NUDT1: variants seen among roughly 807,000 people sequenced by gnomAD.
The protein encoded by NUDT1 is oxidized purine nucleoside triphosphate hydrolase.
Under a neutral mutation model 11.3 loss-of-function variants are expected in NUDT1, and 16 were observed. That is an observed-to-expected ratio of 1.41 (90% CI 0.96 to 2.15). The LOEUF (loss-of-function observed/expected upper bound fraction) is 2.15. Ranked by LOEUF, NUDT1 falls within the 30% of genes most tolerant of loss-of-function variation. NUDT1 has a pLI of 0.00. For synonymous variants in NUDT1, 101 were observed against 84.4 expected (o/e 1.20, Z -1.08); for missense variants, 234 against 208.4 (o/e 1.12, Z -0.76).
At chr7:2,245,928 C>T (rs762798853) in intron 2 of NUDT1, among the ~76,000 whole-genome samples, 1 of 152,066 alleles carries the variant, frequency 6.6e-6, no homozygotes, top group Non-Finnish European at 1.5e-5. Flanking sequence ...GTGTGCTTCC[C>T]CTCCAAGGCT....
intron 2 of NUDT1, among the ~76,000 whole-genome samples, chr7:2,246,853 G>A (rs893923724): frequency 1.3e-5 from 2 of 152,168 alleles, no homozygotes; most frequent in Admixed American, 6.5e-5. Flanking sequence ...CTGACCTCAC[G>A]GGATCCACCC....
chr7:2,248,918 G>A (rs548671855), intron 2 of NUDT1, among the ~76,000 whole-genome samples: 3 of 152,266 alleles, frequency 2.0e-5, no homozygotes, highest in African/African-American at 7.2e-5. Context: ...ATTTCTTAAG[G>A]GAAAAACAGA....
chr7:2,245,584 T>G (rs1389848151), intron 2 of NUDT1, among the ~76,000 whole-genome samples: 1 of 152,186 alleles, frequency 6.6e-6, no homozygotes, highest in Non-Finnish European at 1.5e-5. Context: ...GATTCATTTC[T>G]CTTTTTTTCT....
intron 1 of NUDT1, chr7:2,242,663 C>G (rs753004679): frequency 2.7e-6 from 1 of 374,388 alleles, no homozygotes; most frequent in East Asian, 4.9e-5. Flanking sequence ...TTCCCTTGTC[C>G]TCCTCGAAGG....
At chr7:2,244,451 T>TTGGCCCCCCC in intron 1 of NUDT1, 112 bp from the exon 2 acceptor site, 1 of 981,624 alleles carries the variant, frequency 1.0e-6, no homozygotes, top group Non-Finnish European at 1.5e-6. Context: ...AGTTACAGCA[T>TTGGCCCCCCC]ACCCCCCCGC....
At position 2,242,268 on chromosome 7, in the gene NUDT1, G is replaced by T; in HGVS notation, c.-13+12G>T. 10 of 1,241,590 alleles carry T rather than the reference G, an allele frequency of 8.1e-6. No homozygotes were observed. Among genetic ancestry groups the T allele is most frequent in the Non-Finnish European group, 1.1e-5 (10 of 922,228 alleles). The allele number at this position is 1,241,590 out of a possible 1,614,324, so 76.9% of individuals were successfully genotyped here. On this transcript the variant is annotated intron_variant, in intron 1 of 3. Coordinates refer to ENST00000356714, the MANE Select transcript of NUDT1 (RefSeq NM_002452.4). The stretch of plus-strand genomic sequence containing the variant: ...AAGCGGCGGTGCAGGTACGAAAAGC[G>T]CGCGCGGGGATTCCAGGAGTCGTGG...
chr7:2,242,632 G>A (rs965011355), intron 1 of NUDT1: 16 of 338,804 alleles, frequency 4.7e-5, no homozygotes, highest in African/African-American at 2.9e-4. Flanking sequence ...CCAGGACCCA[G>A]TCTCAGTGAA....
intron 2 of NUDT1, chr7:2,248,301 C>T (rs1362469813): frequency 6.6e-6 from 1 of 152,224 alleles, no homozygotes; most frequent in Non-Finnish European, 1.5e-5. Context: ...AGTGGGTGTT[C>T]AGAAGTGTCT....
At chr7:2,250,055 G>A in intron 3 of NUDT1, 53 bp downstream of exon 3, 1 of 1,602,186 alleles carries the variant, frequency 6.2e-7, no homozygotes, top group Non-Finnish European at 8.5e-7. Flanking sequence ...CCCATCTCCT[G>A]GCTGGGAGAA....
At chr7:2,247,476 C>G (rs1412919059) in intron 2 of NUDT1, among the ~76,000 whole-genome samples, 1 of 152,154 alleles carries the variant, frequency 6.6e-6, no homozygotes. Flanking sequence ...GCCGACCTTT[C>G]TAGACAGCAT....
At chr7:2,245,121 G>C (rs1308044584) in intron 2 of NUDT1, among the ~76,000 whole-genome samples, 1 of 152,122 alleles carries the variant, frequency 6.6e-6, no homozygotes, top group East Asian at 1.9e-4. Context: ...CTGTTCAGTG[G>C]AGCTGATGAT....
At chr7:2,242,464 C>G in intron 1 of NUDT1, 15 of 461,850 alleles carry the variant, frequency 3.2e-5, no homozygotes, top group South Asian at 9.8e-5. Context: ...ACAAGGAGAG[C>G]GGGGCGGAGG....
Position 2,249,903 on chromosome 7 carries a change from G to A in NUDT1, c.199G>A (p.Val67Met). ...TCTGACAGTGGACGCCCTGCACAAG[G>A]TGGGCCAGATCGTGTTTGAGTTCGT... is the stretch of plus-strand genomic sequence containing the variant. ...SGLTVDALHK[V>M]GQIVFEFVGE... Residue 67 changes from valine to methionine, a missense_variant, in exon 3 of 4, where the codon GTG becomes ATG. Transcript: ENST00000356714. The A allele has an allele frequency of 6.2e-7, 1 of 1,614,210 alleles. No homozygotes were observed. The highest frequency in any genetic ancestry group is 8.5e-7 in the Non-Finnish European group (1 of 1,180,046).
chr7:2,244,703 G>C lies in NUDT1; in HGVS notation c.129G>C (p.Glu43Asp). 6.2e-7 allele frequency: 1 copy of C among 1,612,112 alleles called. No homozygotes were observed. The highest frequency in any genetic ancestry group is 1.1e-5 in the South Asian group (1 of 90,698). ...NGFGGKVQEGETIEDGARREL... is the reference protein window; with the variant it reads ...NGFGGKVQEGDTIEDGARREL... ...TTGGGGGCAAAGTGCAAGAAGGAGA[G>C]ACCATCGAGGATGGGGCTAGGAGGT... The change falls in exon 2 of 4, where the codon GAG becomes GAC. Residue 43 changes from glutamate (E) to aspartate (D), a missense_variant. Physicochemically the swap from Glu to Asp is conservative, Grantham distance 45. Coordinates refer to ENST00000356714, the MANE Select transcript of NUDT1 (RefSeq NM_002452.4).
chr7:2,247,497 C>T (rs1178946128), intron 2 of NUDT1, among the ~76,000 whole-genome samples: 2 of 152,322 alleles, frequency 1.3e-5, no homozygotes, highest in East Asian at 3.9e-4. Context: ...CCCTGGTCCC[C>T]AAAGACTAGC....
chr7:2,250,296 A>G (rs561977481), intron 3 of NUDT1, among the ~76,000 whole-genome samples: 1 of 152,306 alleles, frequency 6.6e-6, no homozygotes, highest in Middle Eastern at 3.4e-3. Flanking sequence ...TCAGAGAGTC[A>G]GTGTACGTTT....
chr7:2,243,377 T>G (rs1794634247), intron 1 of NUDT1, among the ~76,000 whole-genome samples: 1 of 152,220 alleles, frequency 6.6e-6, no homozygotes, highest in African/African-American at 2.4e-5. Flanking sequence ...AGCACTTCCC[T>G]GCCCCCTTCC....
At chr7:2,243,253 G>T (rs1157424664) in intron 1 of NUDT1, among the ~76,000 whole-genome samples, 1 of 152,146 alleles carries the variant, frequency 6.6e-6, no homozygotes, top group Admixed American at 6.5e-5. Context: ...GGACGTGGCG[G>T]GCTCGGGAAA....
intron 3 of NUDT1, 69 bp downstream of exon 3, chr7:2,250,071 A>C: frequency 6.3e-7 from 1 of 1,592,856 alleles, no homozygotes; most frequent in South Asian, 1.1e-5. Flanking sequence ...GAGAAAGGCC[A>C]TCCGCCCAAA....
Sources: allele counts gnomAD v4.1 joint callset (sites outside exome capture counted in the v4.1 genomes callset), GRCh38; gene constraint gnomAD v4.1.1; transcripts MANE v1.5; gene names NCBI Gene and HGNC (gene_info 2026-07-23, HGNC 2026-07-21).